The following CUL1 variants were observed in gnomAD, a reference collection of about 807,000 sequenced individuals.
CUL1 encodes cullin-1.
CUL1 carries 24 observed loss-of-function variants against 118.0 expected under a neutral mutation model. The ratio of observed to expected loss-of-function variants is 0.20; its 90% CI spans 0.15 to 0.29. The LOEUF (loss-of-function observed/expected upper bound fraction) is 0.29, where lower values mean the gene tolerates loss of function less well. CUL1 is among the 10% of genes least tolerant of loss of function. CUL1 has a pLI of 1.00. For missense variants in CUL1, 361 were observed against 933.8 expected (o/e 0.39, Z 7.99); for synonymous variants, 332 against 340.4 (o/e 0.98, Z 0.27).
intron 9 of CUL1, among the ~76,000 whole-genome samples, chr7:148,780,115 A>G (rs146408933): frequency 2.0e-4 from 3 of 15,004 alleles, no homozygotes; most frequent in East Asian, 1.7e-3. Flanking sequence ...AAACTCCCGT[A>G]TATATATATA....
chr7:148,758,911 T>C (rs1318229304), intron 4 of CUL1, among the ~76,000 whole-genome samples: 2 of 152,244 alleles, frequency 1.3e-5, no homozygotes, highest in African/African-American at 2.4e-5. Flanking sequence ...ATATAAATGC[T>C]TTCTTGAGAC....
chr7:148,738,790 G>A (rs954072809), intron 2 of CUL1, among the ~76,000 whole-genome samples: 4 of 151,826 alleles, frequency 2.6e-5, no homozygotes, highest in African/African-American at 9.7e-5. Context: ...TATTTAACTT[G>A]TCCTCATACT....
At position 148,747,753 on chromosome 7, in the gene CUL1, A is replaced by G. The variant is rs184985185; in HGVS notation, c.141-6223A>G. Among the ~76,000 whole-genome samples the G allele has an allele frequency of 3.7e-4, 57 of 152,386 alleles. 1 individual carries two copies. In the East Asian group the frequency reaches 0.011, roughly 28 times the overall value. On this transcript the variant is annotated intron_variant, in intron 2 of 21. Transcript: ENST00000325222. ...GACAGGTTTTTAAAAGAGAAATTCT[A>G]TAAATGTAAAATGAAGTCATTAAAA...
intron 2 of CUL1, 75 bp downstream of exon 2, chr7:148,730,337 A>G: frequency 3.5e-6 from 5 of 1,443,200 alleles, no homozygotes; most frequent in Non-Finnish European, 3.7e-6. Flanking sequence ...AATTATTAGA[A>G]TTTTATATTG....
chr7:148,732,097 G>A (rs1399834170), intron 2 of CUL1, among the ~76,000 whole-genome samples: 2 of 152,162 alleles, frequency 1.3e-5, no homozygotes, highest in Non-Finnish European at 2.9e-5. Context: ...TCTTTGCCAA[G>A]TGAGAAGATA....
At chr7:148,758,826 C>T (rs1799742732) in intron 4 of CUL1, among the ~76,000 whole-genome samples, 1 of 152,008 alleles carries the variant, frequency 6.6e-6, no homozygotes, top group Non-Finnish European at 1.5e-5. Flanking sequence ...TTTTAACTGA[C>T]AAAAATGTGT....
intron 9 of CUL1, among the ~76,000 whole-genome samples, chr7:148,782,951 C>T (rs1800691287): frequency 6.6e-6 from 1 of 152,114 alleles, no homozygotes. Flanking sequence ...TGCCTGCCAC[C>T]ATTTCCTGGC....
chr7:148,714,011 C>T lies in CUL1; in HGVS notation c.-162+14982C>T, dbSNP rs1047640882. 7.9e-5 allele frequency among the ~76,000 whole-genome samples: 12 copies of T among 152,306 alleles called. No individual in the cohort carries two copies. The South Asian group carries it at 1.0e-3, about 13-fold the overall frequency. ...CTGGGATTACAGGCGTGAGCCACCACGCCTGGCTGCATGTGTGTATATTTA... is the reference window on the plus strand; with the variant it reads ...CTGGGATTACAGGCGTGAGCCACCATGCCTGGCTGCATGTGTGTATATTTA... On this transcript the variant is annotated intron_variant, in intron 1 of 21. Coordinates refer to ENST00000325222, the MANE Select transcript of CUL1 (RefSeq NM_003592.3).
chr7:148,714,295 A>AT (rs1212800547), intron 1 of CUL1, among the ~76,000 whole-genome samples: 5 of 152,126 alleles, frequency 3.3e-5, no homozygotes, highest in South Asian at 2.1e-4. Flanking sequence ...CATACTTAAC[A>AT]TTTTTTTGTG....
chr7:148,784,486 CAATT>C (rs1800755328), intron 11 of CUL1, among the ~76,000 whole-genome samples: 1 of 152,146 alleles, frequency 6.6e-6, no homozygotes, highest in Admixed American at 6.5e-5. Flanking sequence ...TCTTATTTCT[CAATT>C]GATGTTTTCT....
At chr7:148,716,518 C>T (rs556002619) in intron 1 of CUL1, among the ~76,000 whole-genome samples, 2 of 152,322 alleles carry the variant, frequency 1.3e-5, no homozygotes, top group South Asian at 4.1e-4. Context: ...CTGAAATCCG[C>T]CCATGGACCC....
At chr7:148,743,139 A>G (rs1456472391) in intron 2 of CUL1, among the ~76,000 whole-genome samples, 1 of 152,218 alleles carries the variant, frequency 6.6e-6, no homozygotes, top group African/African-American at 2.4e-5. Context: ...CACACTGTAT[A>G]ATTTCCGTCC....
chr7:148,778,070 C>CAAAAAAAAAAAAAAAAAAAA lies in CUL1; in HGVS notation c.1084-5705_1084-5686dup, dbSNP rs1203417069. The stretch of plus-strand genomic sequence containing the variant: ...AGGGTGACAGAAGAAGACCCTGTCT[C>CAAAAAAAAAAAAAAAAAAAA]AAAAAAAAAAAAAAAAAAAAAAAAA... On this transcript the variant is annotated intron_variant, in intron 9 of 21. Transcript: ENST00000325222. Among the ~76,000 whole-genome samples the CAAAAAAAAAAAAAAAAAAAA allele has an allele frequency of 8.7e-4, 12 of 13,784 alleles. 2 individuals carry two copies. Among genetic ancestry groups the CAAAAAAAAAAAAAAAAAAAA allele is most frequent in the East Asian group, 3.3e-3 (1 of 304 alleles). 9.0% of individuals were successfully genotyped at this position (13,784 alleles called of 152,430 possible).
At chr7:148,698,037 A>T (rs1000986402), upstream of CUL1, 1 of 152,240 alleles carries the variant, frequency 6.6e-6, no homozygotes, top group Non-Finnish European at 1.5e-5. Context: ...AGTTACTGAA[A>T]GTCTGAAGGG....
intron 2 of CUL1, among the ~76,000 whole-genome samples, 168 bp from the exon 3 acceptor site, chr7:148,753,808 T>G (rs1454670619): frequency 1.3e-5 from 2 of 152,220 alleles, no homozygotes; most frequent in African/African-American, 4.8e-5. Context: ...GCTTGTTGAC[T>G]TTTAGCTTTA....
chr7:148,780,111 C>T (rs1329519540), intron 9 of CUL1, among the ~76,000 whole-genome samples: 1 of 76,204 alleles, frequency 1.3e-5, no homozygotes, highest in African/African-American at 7.2e-5. Context: ...TAATAAACTC[C>T]CGTATATATA....
At chr7:148,727,191 G>C (rs899223387) in intron 1 of CUL1, among the ~76,000 whole-genome samples, 2 of 152,174 alleles carry the variant, frequency 1.3e-5, no homozygotes, top group Non-Finnish European at 2.9e-5. Flanking sequence ...TCGTAAGCCT[G>C]TTTAAACACT....
chr7:148,720,739 G>A (rs1053953515), intron 1 of CUL1, among the ~76,000 whole-genome samples: 4 of 152,148 alleles, frequency 2.6e-5, no homozygotes, highest in African/African-American at 7.2e-5. Flanking sequence ...AAGATCCAGC[G>A]GAAGGAGGAG....
chr7:148,779,131 G>A (rs1171131893), intron 9 of CUL1, among the ~76,000 whole-genome samples: 5 of 152,154 alleles, frequency 3.3e-5, no homozygotes, highest in South Asian at 4.1e-4. Flanking sequence ...GACTCTTAAC[G>A]TGATTTTCTC....
Sources: allele counts gnomAD v4.1 joint callset (sites outside exome capture counted in the v4.1 genomes callset), GRCh38; gene constraint gnomAD v4.1.1; transcripts MANE v1.5; gene names NCBI Gene and HGNC (gene_info 2026-07-23, HGNC 2026-07-21).